The following AMD1 variants were observed in gnomAD, a reference collection of about 807,000 sequenced individuals.
AMD1 encodes the protein adenosylmethionine decarboxylase 1, also known as S-adenosylmethionine decarboxylase proenzyme.
A neutral mutation model predicts 40.2 loss-of-function variants in AMD1; 11 were observed. The observed-to-expected ratio is 0.27, with a 90% CI of 0.17 to 0.45. AMD1 has a LOEUF of 0.45. Among genes scored for constraint, AMD1 ranks in the 20% least tolerant of loss-of-function variants. AMD1 has a pLI of 1.00. For missense variants in AMD1, 257 were observed against 410.2 expected, an observed-to-expected ratio of 0.63 and a Z score of 3.23; for synonymous variants, 121 against 130.8, an observed-to-expected ratio of 0.93 and a Z score of 0.51.
chr6:110,843,877 G>A, the AMD1 span, among the ~76,000 whole-genome samples: 3 of 152,088 alleles, frequency 2.0e-5, no homozygotes, highest in South Asian at 2.1e-4. Flanking sequence ...TGTGAGCCAC[G>A]GAGCTCGGCC....
chr6:110,874,975 CAA>C lies in AMD1; in HGVS notation c.-121_-120del, dbSNP rs201633158. 653 of 522,992 alleles carry C rather than the reference CAA, an allele frequency of 1.2e-3. No individual in the cohort carries two copies. The highest frequency in any genetic ancestry group is 2.4e-3 in the South Asian group (96 of 39,738). 32.4% of individuals were successfully genotyped at this position (522,992 alleles called of 1,614,324 possible). On this transcript the variant is annotated 5_prime_UTR_variant, in exon 1 of 9. Transcript: ENST00000368885. ...AAAAAAAGTTAATATAAAATTATAG[CAA>C]AAAAAAAAAGGAACCTGAACTTTAG... is the stretch of plus-strand genomic sequence containing the variant.
At chr6:110,828,538 G>C in the AMD1 span, among the ~76,000 whole-genome samples, 1 of 152,178 alleles carries the variant, frequency 6.6e-6, no homozygotes, top group Non-Finnish European at 1.5e-5. Context: ...AGGAAAGGTG[G>C]GTGTGCCCAG....
At chr6:110,876,121 C>T (rs1179725584) in intron 1 of AMD1, among the ~76,000 whole-genome samples, 2 of 152,246 alleles carry the variant, frequency 1.3e-5, no homozygotes, top group Admixed American at 6.5e-5. Context: ...TGCGGGCCGT[C>T]ACGCGAGAGA....
chr6:110,891,899 C>T (rs1412677595), intron 4 of AMD1: 3 of 474,022 alleles, frequency 6.3e-6, no homozygotes, highest in Non-Finnish European at 1.1e-5. Flanking sequence ...TGTGCCAACA[C>T]GCCCAGCTAC....
chr6:110,846,158 G>A, the AMD1 span, among the ~76,000 whole-genome samples: 1 of 152,116 alleles, frequency 6.6e-6, no homozygotes, highest in Non-Finnish European at 1.5e-5. Flanking sequence ...AGAATCACTT[G>A]AACCTAGGAG....
the AMD1 span, among the ~76,000 whole-genome samples, chr6:110,850,230 G>C: frequency 6.6e-6 from 1 of 152,132 alleles, no homozygotes; most frequent in African/African-American, 2.4e-5. Context: ...TAATTTTGCA[G>C]ATTATAGAAT....
chr6:110,841,225 A>G, the AMD1 span, among the ~76,000 whole-genome samples: 54 of 152,328 alleles, frequency 3.5e-4, no homozygotes, highest in South Asian at 0.011. Flanking sequence ...TATAGAAAGT[A>G]AAAAGTTCCT....
At chr6:110,835,078 G>A in the AMD1 span, among the ~76,000 whole-genome samples, 1 of 149,250 alleles carries the variant, frequency 6.7e-6, no homozygotes, top group Non-Finnish European at 1.5e-5. Flanking sequence ...GAGTGCAGTG[G>A]CACGATCTTG....
the AMD1 span, among the ~76,000 whole-genome samples, chr6:110,862,990 G>A: frequency 6.6e-6 from 1 of 151,848 alleles, no homozygotes; most frequent in African/African-American, 2.4e-5. Context: ...TGTCACCCAG[G>A]CTGGAGTGCA....
At chr6:110,891,034 A>G (rs1295427863) in intron 4 of AMD1, 2 of 152,196 alleles carry the variant, frequency 1.3e-5, no homozygotes, top group Non-Finnish European at 2.9e-5. Context: ...GATTTTTCAT[A>G]CAGCATAGAG....
rs1466626298 is a variant in AMD1 at position 110,890,291 on chromosome 6, C to G, written c.362C>G (p.Ser121Cys). 1 of 1,585,202 alleles carries G rather than the reference C, an allele frequency of 6.3e-7. No homozygotes were observed. The highest frequency in any genetic ancestry group is 8.5e-7 in the Non-Finnish European group (1 of 1,173,268). ...TCTCGTAAGAATTTCATGAAGCCTT[C>G]TCACCAAGGGTACCCACACCGGAAT... ...FYSRKNFMKP[S>C]HQGYPHRNFQ... The change falls in exon 4 of 9, where the codon TCT becomes TGT. Residue 121 changes from serine (S) to cysteine (C), a missense_variant. Coordinates refer to ENST00000368885, the MANE Select transcript of AMD1 (RefSeq NM_001634.6).
At chr6:110,839,247 GA>G in the AMD1 span, among the ~76,000 whole-genome samples, 3 of 151,994 alleles carry the variant, frequency 2.0e-5, no homozygotes, top group East Asian at 1.9e-4. Context: ...TGAATGATAG[GA>G]AAAAAAGTTA....
the AMD1 span, chr6:110,859,076 T>A: frequency 2.3e-6 from 3 of 1,278,942 alleles, no homozygotes; most frequent in South Asian, 3.6e-5. Context: ...CCGACAGGGC[T>A]CCCTCGGGCG....
the AMD1 span, among the ~76,000 whole-genome samples, chr6:110,837,207 A>T: frequency 7.2e-6 from 1 of 138,310 alleles, no homozygotes; most frequent in African/African-American, 2.7e-5. Flanking sequence ...AAAGACTCAC[A>T]CCTGTCATCC....
chr6:110,838,036 C>T, the AMD1 span, among the ~76,000 whole-genome samples: 3 of 145,064 alleles, frequency 2.1e-5, no homozygotes, highest in African/African-American at 7.8e-5. Context: ...CACTCCAAAC[C>T]TGGGCAACAA....
the AMD1 span, among the ~76,000 whole-genome samples, chr6:110,841,016 A>C: frequency 2.0e-5 from 3 of 152,058 alleles, no homozygotes; most frequent in African/African-American, 7.2e-5. Flanking sequence ...TAAGAATCCT[A>C]CTTTTTTATT....
upstream of AMD1, among the ~76,000 whole-genome samples, chr6:110,869,829 T>C (rs1432331122): frequency 2.0e-5 from 3 of 152,214 alleles, no homozygotes; most frequent in Non-Finnish European, 2.9e-5. Flanking sequence ...AAAACATTTT[T>C]CTCACTTATA....
At chr6:110,849,054 G>T in the AMD1 span, among the ~76,000 whole-genome samples, 1 of 152,122 alleles carries the variant, frequency 6.6e-6, no homozygotes, top group East Asian at 1.9e-4. Flanking sequence ...TAGTTAAACA[G>T]CATGGGATAT....
the AMD1 span, among the ~76,000 whole-genome samples, chr6:110,868,648 A>T: frequency 6.6e-6 from 1 of 152,218 alleles, no homozygotes. Flanking sequence ...AAATAAAATT[A>T]TATTTTCACT....
Sources: gnomAD v4.1 joint callset for allele counts (sites outside exome capture counted in the v4.1 genomes callset) on GRCh38, gnomAD v4.1.1 for gene constraint, MANE v1.5 for transcripts, NCBI Gene and HGNC (gene_info 2026-07-23, HGNC 2026-07-21) for gene names.